The following SNTB1 variants were observed in gnomAD, a reference collection of about 807,000 sequenced individuals.
SNTB1 encodes the protein syntrophin beta 1, also known as beta-1-syntrophin.
A neutral mutation model predicts 48.9 loss-of-function variants in SNTB1; 36 were observed. The ratio of observed to expected loss-of-function variants is 0.74; its 90% CI spans 0.56 to 0.97. The LOEUF is 0.97. SNTB1 is among the 50% of genes least tolerant of loss of function. SNTB1 has a pLI of 0.00. For missense variants in SNTB1, 786 were observed against 703.4 expected (o/e 1.12, Z -1.33); for synonymous variants, 299 against 294.6 (o/e 1.01, Z -0.15).
intron 1 of SNTB1, among the ~76,000 whole-genome samples, chr8:120,700,187 GT>G (rs1657381345): frequency 6.8e-6 from 1 of 147,522 alleles, no homozygotes; most frequent in South Asian, 2.2e-4. Flanking sequence ...GTTTGTGTGT[GT>G]GTGCGTGTAT....
intron 3 of SNTB1, among the ~76,000 whole-genome samples, chr8:120,593,424 T>A (rs1189178725): frequency 6.6e-6 from 1 of 152,202 alleles, no homozygotes; most frequent in Admixed American, 6.5e-5. Context: ...GCCAATCAAA[T>A]ACTAATTGAG....
chr8:120,805,067 G>A (rs2130187781), intron 1 of SNTB1, among the ~76,000 whole-genome samples: 1 of 152,250 alleles, frequency 6.6e-6, no homozygotes, highest in East Asian at 1.9e-4. Context: ...CAATAAATTA[G>A]TTGTTAAAAG....
intron 3 of SNTB1, among the ~76,000 whole-genome samples, chr8:120,603,759 G>C (rs779047857): frequency 6.6e-5 from 10 of 152,180 alleles, no homozygotes; most frequent in Non-Finnish European, 1.2e-4. Flanking sequence ...TGGGATTCAA[G>C]TTTCATTCAG....
chr8:120,553,458 G>A (rs2130657684), intron 4 of SNTB1, among the ~76,000 whole-genome samples: 1 of 152,270 alleles, frequency 6.6e-6, no homozygotes, highest in East Asian at 1.9e-4. Flanking sequence ...ACTTTTCCCA[G>A]ATAAAACTCA....
chr8:120,694,443 G>A (rs1000139329), intron 1 of SNTB1, among the ~76,000 whole-genome samples: 6 of 151,862 alleles, frequency 4.0e-5, no homozygotes, highest in African/African-American at 1.5e-4. Context: ...AAAATTATTT[G>A]TAAGAGCTGA....
At chr8:120,545,435 G>A (rs1281332048) in intron 5 of SNTB1, among the ~76,000 whole-genome samples, 1 of 152,200 alleles carries the variant, frequency 6.6e-6, no homozygotes, top group Non-Finnish European at 1.5e-5. Flanking sequence ...AGCAGCATCA[G>A]AACCACCTGG....
chr8:120,739,588 T>C (rs1422377669), intron 1 of SNTB1, among the ~76,000 whole-genome samples: 1 of 152,146 alleles, frequency 6.6e-6, no homozygotes, highest in African/African-American at 2.4e-5. Context: ...TAATGGTAGA[T>C]GGGAAATATT....
chr8:120,590,654 T>C lies in SNTB1; in HGVS notation c.997-15429A>G, dbSNP rs185056757. Among the ~76,000 whole-genome samples, 369 of 151,822 alleles carry C rather than the reference T, an allele frequency of 2.4e-3. 1 individual carries two copies. Among genetic ancestry groups the C allele is most frequent in the African/African-American group, 8.7e-3 (360 of 41,370 alleles). On this transcript the variant is annotated intron_variant, in intron 3 of 6. Coordinates refer to ENST00000517992, the MANE Select transcript of SNTB1 (RefSeq NM_021021.4). ...ATCTTTGCTTCTCCTGTGTTCATTATAGGTTTCTTTCTTTTGTTTTCTTTT... is the reference window on the plus strand; with the variant it reads ...ATCTTTGCTTCTCCTGTGTTCATTACAGGTTTCTTTCTTTTGTTTTCTTTT...
At chr8:120,762,748 C>T (rs746022147) in intron 1 of SNTB1, among the ~76,000 whole-genome samples, 2 of 152,032 alleles carry the variant, frequency 1.3e-5, no homozygotes, top group Non-Finnish European at 2.9e-5. Context: ...CTTGTTTATT[C>T]TTGTTTATAC....
chr8:120,714,233 C>T (rs2129927302), intron 1 of SNTB1, among the ~76,000 whole-genome samples: 1 of 152,288 alleles, frequency 6.6e-6, no homozygotes, highest in South Asian at 2.1e-4. Context: ...ACCACAGAGA[C>T]AGAACCCCTC....
chr8:120,627,118 T>C (rs1216510124), intron 3 of SNTB1, among the ~76,000 whole-genome samples: 4 of 152,110 alleles, frequency 2.6e-5, no homozygotes, highest in Non-Finnish European at 4.4e-5. Flanking sequence ...CACCCATAGA[T>C]TTTGAAAGAA....
chr8:120,781,145 A>T (rs1819825247), intron 1 of SNTB1, among the ~76,000 whole-genome samples: 2 of 152,224 alleles, frequency 1.3e-5, no homozygotes, highest in South Asian at 4.1e-4. Context: ...TGAATCAGTG[A>T]TTCTAGTAGT....
chr8:120,716,313 T>C (rs1405169074), intron 1 of SNTB1, among the ~76,000 whole-genome samples: 2 of 152,246 alleles, frequency 1.3e-5, no homozygotes, highest in Non-Finnish European at 2.9e-5. Context: ...TGAAATATAC[T>C]TCAAAGTGTT....
intron 1 of SNTB1, among the ~76,000 whole-genome samples, chr8:120,771,719 G>A (rs1819639180): frequency 6.6e-6 from 1 of 151,148 alleles, no homozygotes; most frequent in Non-Finnish European, 1.5e-5. Flanking sequence ...CAAACAGAGA[G>A]CTTTAATTTA....
chr8:120,687,712 T>C (rs926161410), intron 2 of SNTB1, among the ~76,000 whole-genome samples: 3 of 152,244 alleles, frequency 2.0e-5, no homozygotes, highest in African/African-American at 7.2e-5. Context: ...TAATACTTAG[T>C]GTTCTGGCAT....
intron 2 of SNTB1, chr8:120,637,960 AT>A (rs1817110787): frequency 4.8e-6 from 1 of 207,776 alleles, no homozygotes; most frequent in Admixed American, 4.9e-5. Flanking sequence ...TATTTCAGCC[AT>A]CTTGAGTCCT....
chr8:120,671,779 T>A (rs1817761181), intron 2 of SNTB1, among the ~76,000 whole-genome samples: 1 of 152,242 alleles, frequency 6.6e-6, no homozygotes, highest in African/African-American at 2.4e-5. Context: ...CTGTCTTAAA[T>A]TGACATTTTA....
At chr8:120,685,740 CT>C (rs780247796) in intron 2 of SNTB1, among the ~76,000 whole-genome samples, 5 of 152,170 alleles carry the variant, frequency 3.3e-5, no homozygotes, top group Non-Finnish European at 5.9e-5. Flanking sequence ...TTTTCCAGAT[CT>C]TTAAGTGTTG....
intron 3 of SNTB1, among the ~76,000 whole-genome samples, chr8:120,580,524 T>C (rs897519135): frequency 1.3e-5 from 2 of 151,940 alleles, no homozygotes; most frequent in African/African-American, 4.8e-5. Flanking sequence ...TTCCCCCAGC[T>C]CCCATGAGCA....
Sources: gnomAD v4.1 joint callset for allele counts (sites outside exome capture counted in the v4.1 genomes callset) on GRCh38, gnomAD v4.1.1 for gene constraint, MANE v1.5 for transcripts, NCBI Gene and HGNC (gene_info 2026-07-23, HGNC 2026-07-21) for gene names.